Variants in CAST observed in about 807,000 individuals in gnomAD.
CAST encodes the protein calpastatin.
A neutral mutation model predicts 119.6 loss-of-function variants in CAST; 76 were observed. That is an observed-to-expected ratio of 0.64 (90% CI 0.53 to 0.77). The LOEUF is 0.77. Among genes scored for constraint, CAST ranks in the 30% least tolerant of loss-of-function variants. The pLI is 0.00. For missense variants in CAST, 953 were observed against 946.5 expected (o/e 1.01, Z -0.09); for synonymous variants, 319 against 331.6 (o/e 0.96, Z 0.41).
chr5:96,247,465 C>G, the CAST span, among the ~76,000 whole-genome samples: 1 of 152,224 alleles, frequency 6.6e-6, no homozygotes, highest in African/African-American at 2.4e-5. Flanking sequence ...AGTTCATGTG[C>G]GTAGCACCAA....
the CAST span, chr5:96,278,539 G>A: frequency 2.6e-5 from 4 of 152,114 alleles, no homozygotes; most frequent in Non-Finnish European, 4.4e-5. Flanking sequence ...TCTGAATTAA[G>A]GATTATATTT....
chr5:96,433,112 G>C, the CAST span: 3 of 1,431,384 alleles, frequency 2.1e-6, no homozygotes, highest in African/African-American at 4.2e-5. Flanking sequence ...AGAAAAGCCA[G>C]ACAGACTCCC....
At chr5:96,000,853 T>A in the CAST span, among the ~76,000 whole-genome samples, 1 of 152,222 alleles carries the variant, frequency 6.6e-6, no homozygotes, top group Non-Finnish European at 1.5e-5. Flanking sequence ...ATAATTATCT[T>A]TTTGTAAAAA....
the CAST span, among the ~76,000 whole-genome samples, chr5:96,369,996 AT>A: frequency 1.3e-5 from 2 of 152,074 alleles, no homozygotes; most frequent in African/African-American, 4.8e-5. Context: ...ATAATATGAA[AT>A]TTCTGCTATT....
chr5:96,450,960 A>G, the CAST span, among the ~76,000 whole-genome samples: 1 of 152,146 alleles, frequency 6.6e-6, no homozygotes, highest in African/African-American at 2.4e-5. Context: ...ACTGAATAAG[A>G]GTTCATATAA....
At chr5:96,558,429 T>C (rs553484303) in intron 1 of CAST, among the ~76,000 whole-genome samples, 1 of 152,096 alleles carries the variant, frequency 6.6e-6, no homozygotes, top group Non-Finnish European at 1.5e-5. Flanking sequence ...GCTGGTTTTT[T>C]GAAAAGATCA....
the CAST span, among the ~76,000 whole-genome samples, chr5:96,363,427 G>A: frequency 1.3e-5 from 2 of 151,780 alleles, no homozygotes; most frequent in Admixed American, 6.6e-5. Flanking sequence ...ACCTTGGGCA[G>A]TATGGCCATT....
At chr5:96,315,106 G>T in the CAST span, among the ~76,000 whole-genome samples, 3,080 of 152,218 alleles carry the variant, frequency 0.02, 94 homozygotes, top group African/African-American at 0.07. Context: ...AAAAGTCAAA[G>T]AATTAAAATA....
intron 21 of CAST, 112 bp downstream of exon 21, chr5:96,754,273 G>A: frequency 1.4e-6 from 1 of 731,038 alleles, no homozygotes. Flanking sequence ...AACATGACCA[G>A]CTGGCTTTTT....
the CAST span, among the ~76,000 whole-genome samples, chr5:96,078,791 T>C: frequency 2.6e-5 from 4 of 152,132 alleles, no homozygotes; most frequent in African/African-American, 7.2e-5. Context: ...CACAGTGACA[T>C]GGATGGAGCT....
the CAST span, among the ~76,000 whole-genome samples, chr5:96,076,693 A>G: frequency 6.6e-6 from 1 of 152,206 alleles, no homozygotes; most frequent in African/African-American, 2.4e-5. Context: ...AGAATATTCA[A>G]TGAATTTTTG....
chr5:96,399,368 TA>T, the CAST span, among the ~76,000 whole-genome samples: 1 of 152,216 alleles, frequency 6.6e-6, no homozygotes, highest in Non-Finnish European at 1.5e-5. Context: ...CATCCTTGGA[TA>T]TTTTGTGTGA....
chr5:96,354,639 T>C, the CAST span, among the ~76,000 whole-genome samples: 1 of 150,876 alleles, frequency 6.6e-6, no homozygotes, highest in Non-Finnish European at 1.5e-5. Flanking sequence ...TCTGTATGTA[T>C]ATTTACACAT....
the CAST span, among the ~76,000 whole-genome samples, chr5:96,090,820 T>A: frequency 1.3e-5 from 2 of 151,808 alleles, no homozygotes; most frequent in South Asian, 4.2e-4. Context: ...GGTTCCCCTG[T>A]GGCCTCCATC....
the CAST span, among the ~76,000 whole-genome samples, chr5:96,379,178 GTC>G: frequency 6.6e-6 from 1 of 152,108 alleles, no homozygotes; most frequent in Admixed American, 6.6e-5. Context: ...AGTAGAATAA[GTC>G]TGTTTCACCA....
At chr5:96,444,033 T>C in the CAST span, among the ~76,000 whole-genome samples, 1 of 152,032 alleles carries the variant, frequency 6.6e-6, no homozygotes, top group Admixed American at 6.6e-5. Context: ...ATATAAGAAA[T>C]GAAGGAAAAA....
chr5:96,544,202 T>G (rs1301439305), intron 1 of CAST, among the ~76,000 whole-genome samples: 1 of 152,246 alleles, frequency 6.6e-6, no homozygotes, highest in Non-Finnish European at 1.5e-5. Context: ...ACATGGACTA[T>G]CTCTCCATTT....
At chr5:96,604,842 C>A (rs1337917422) in intron 1 of CAST, among the ~76,000 whole-genome samples, 5 of 152,192 alleles carry the variant, frequency 3.3e-5, no homozygotes, top group Non-Finnish European at 7.3e-5. Flanking sequence ...CCTTTATCAG[C>A]AGCTCAGAAG....
chr5:95,997,876 C>T, the CAST span, among the ~76,000 whole-genome samples: 1 of 151,192 alleles, frequency 6.6e-6, no homozygotes, highest in Non-Finnish European at 1.5e-5. Context: ...TGCGAATGAT[C>T]TGCTGTCAAA....
Sources: allele counts gnomAD v4.1 joint callset (sites outside exome capture counted in the v4.1 genomes callset), GRCh38; gene constraint gnomAD v4.1.1; transcripts MANE v1.5; gene names NCBI Gene and HGNC (gene_info 2026-07-23, HGNC 2026-07-21).